CDH23: variants seen among roughly 807,000 people sequenced by gnomAD.
CDH23 encodes the protein cadherin related 23.
In CDH23, 189 loss-of-function variants were observed where a neutral mutation model predicts 317.1. The ratio of observed to expected loss-of-function variants is 0.60; its 90% confidence interval spans 0.53 to 0.67. The LOEUF (loss-of-function observed/expected upper bound fraction) is 0.67, where lower values mean the gene tolerates loss of function less well. Among genes scored for constraint, CDH23 ranks in the 30% least tolerant of loss-of-function variants. The pLI, the probability that CDH23 is intolerant of heterozygous loss-of-function variation, is 0.00. For missense variants in CDH23, 4,401 were observed against 4,592.4 expected (o/e 0.96, Z 1.20); for synonymous variants, 1,839 against 1,876.8 (o/e 0.98, Z 0.52).
chr10:71,564,650 G>A (rs909775515), intron 6 of CDH23, among the ~76,000 whole-genome samples: 1 of 152,272 alleles, frequency 6.6e-6, no homozygotes, highest in Non-Finnish European at 1.5e-5. Context: ...GGGAGCTGGA[G>A]AGCTGACATC....
chr10:71,732,800 T>C lies in CDH23; in HGVS notation c.4104+425T>C, dbSNP rs561486540. 8 of 809,088 alleles carry C rather than the reference T, an allele frequency of 9.9e-6. No homozygotes were observed. In the East Asian group the frequency reaches 5.2e-4, roughly 52 times the overall value. The allele number at this position is 809,088 out of a possible 1,614,324, so 50.1% of individuals were successfully genotyped here. On this transcript the variant is annotated intron_variant, in intron 32 of 69. Transcript: ENST00000224721. ...CTTCACCTCTGGTCATCGAAGTGTG[T>C]GTGGGGTTTTCCCCCATTATCGGCA...
intron 41 of CDH23, among the ~76,000 whole-genome samples, chr10:71,782,754 A>G (rs544990037): frequency 6.6e-6 from 1 of 152,344 alleles, no homozygotes; most frequent in African/African-American, 2.4e-5. Context: ...AAACACCTAG[A>G]AAGGGAATCC....
At chr10:71,504,809 G>A (rs114764029) in intron 3 of CDH23, among the ~76,000 whole-genome samples, 2,610 of 152,308 alleles carry the variant, frequency 0.017, 59 homozygotes, top group African/African-American at 0.054. Flanking sequence ...GGTTGTTTAC[G>A]GCCAGCGTTT....
intron 3 of CDH23, among the ~76,000 whole-genome samples, chr10:71,488,269 G>A (rs1589129547): frequency 6.6e-6 from 1 of 152,202 alleles, no homozygotes; most frequent in East Asian, 1.9e-4. Context: ...GAGGTAAAAG[G>A]TTTTCCAGAC....
intron 6 of CDH23, among the ~76,000 whole-genome samples, chr10:71,533,372 G>T (rs1245408198): frequency 3.3e-5 from 5 of 152,108 alleles, no homozygotes; most frequent in Non-Finnish European, 7.4e-5. Flanking sequence ...TTGATTTTAT[G>T]GGTAACAAAT....
At chr10:71,695,352 C>T (rs1243388349) in intron 21 of CDH23, 66 bp from the exon 22 acceptor site, 4 of 1,159,104 alleles carry the variant, frequency 3.5e-6, no homozygotes, top group Non-Finnish European at 5.2e-6. Flanking sequence ...CACTTTTCCC[C>T]TGGCAGGCCC....
chr10:71,428,689 A>G (rs1284521042), intron 1 of CDH23, among the ~76,000 whole-genome samples: 1 of 151,946 alleles, frequency 6.6e-6, no homozygotes, highest in African/African-American at 2.4e-5. Context: ...CCCTGGTTCA[A>G]GCAATTCCCC....
At chr10:71,729,607 A>C (rs1220697370) in intron 30 of CDH23, among the ~76,000 whole-genome samples, 1 of 152,102 alleles carries the variant, frequency 6.6e-6, no homozygotes, top group East Asian at 1.9e-4. Context: ...TTCCCCAAAG[A>C]GCCTTAGGGG....
At chr10:71,806,038 G>T in intron 56 of CDH23, 41 bp downstream of exon 56, 2 of 1,548,860 alleles carry the variant, frequency 1.3e-6, no homozygotes, top group South Asian at 1.2e-5. Flanking sequence ...GTCTGGGGCG[G>T]GGCTTTCTTC....
intron 38 of CDH23, among the ~76,000 whole-genome samples, chr10:71,744,435 T>C (rs1217055382): frequency 1.3e-5 from 2 of 152,084 alleles, no homozygotes; most frequent in East Asian, 3.9e-4. Flanking sequence ...ATTGAAGAAA[T>C]GGAAAATCAC....
At chr10:71,459,043 C>T (rs941254688) in intron 3 of CDH23, among the ~76,000 whole-genome samples, 16 of 150,146 alleles carry the variant, frequency 1.1e-4, no homozygotes, top group African/African-American at 3.9e-4. Context: ...GCCCTGGCCT[C>T]CCAAAGTGCT....
chr10:71,638,991 T>C (rs542557401), intron 11 of CDH23, among the ~76,000 whole-genome samples: 1 of 152,042 alleles, frequency 6.6e-6, no homozygotes, highest in Non-Finnish European at 1.5e-5. Flanking sequence ...AGGAGCAAAG[T>C]GCAGGAGCTA....
intron 28 of CDH23, chr10:71,715,021 AGTGTGG>A (rs1866146173): frequency 6.6e-6 from 1 of 152,266 alleles, no homozygotes; most frequent in African/African-American, 2.4e-5. Flanking sequence ...TAGCATCCCT[AGTGTGG>A]GCAGGACTTG....
chr10:71,643,695 C>G (rs1862684202), intron 11 of CDH23, among the ~76,000 whole-genome samples, 166 bp from the exon 12 acceptor site: 1 of 152,176 alleles, frequency 6.6e-6, no homozygotes, highest in Non-Finnish European at 1.5e-5. Context: ...AAGCTATGGC[C>G]CATCAGAGGC....
intron 1 of CDH23, among the ~76,000 whole-genome samples, chr10:71,439,236 AC>A (rs1351378534): frequency 6.6e-6 from 1 of 152,178 alleles, no homozygotes; most frequent in African/African-American, 2.4e-5. Context: ...CTCTTTGGAC[AC>A]CATGACCTGC....
intron 7 of CDH23, among the ~76,000 whole-genome samples, chr10:71,568,190 T>G (rs1867996): frequency 0.77 from 117,249 of 152,234 alleles, 46,177 homozygotes; most frequent in East Asian, 0.94. Context: ...TTCTCCCCTG[T>G]TTAAGTGTTA....
intron 1 of CDH23, among the ~76,000 whole-genome samples, chr10:71,403,526 CT>C (rs763396840): frequency 3.4e-4 from 40 of 118,688 alleles, no homozygotes; most frequent in Middle Eastern, 4.1e-3. Context: ...TTCTTTCTTT[CT>C]TTTTTTTTTT....
intron 14 of CDH23, among the ~76,000 whole-genome samples, chr10:71,671,967 C>T (rs1180281936): frequency 6.6e-6 from 1 of 152,110 alleles, no homozygotes; most frequent in African/African-American, 2.4e-5. Flanking sequence ...CTTGAGCTGC[C>T]TTTATGTCCA....
At chr10:71,423,096 T>C (rs1848887525) in intron 1 of CDH23, among the ~76,000 whole-genome samples, 1 of 152,192 alleles carries the variant, frequency 6.6e-6, no homozygotes, top group Non-Finnish European at 1.5e-5. Flanking sequence ...TGTGTTAGGC[T>C]CTGGAGCAAT....
Sources: gnomAD v4.1 joint callset for allele counts (sites outside exome capture counted in the v4.1 genomes callset) on GRCh38, gnomAD v4.1.1 for gene constraint, MANE v1.5 for transcripts, NCBI Gene and HGNC (gene_info 2026-07-23, HGNC 2026-07-21) for gene names.